Variants in ATIC observed in about 807,000 individuals in gnomAD.
The protein encoded by ATIC is 5-aminoimidazole-4-carboxamide ribonucleotide formyltransferase/IMP cyclohydrolase.
A neutral mutation model predicts 72.5 loss-of-function variants in ATIC; 64 were observed. That is an observed-to-expected ratio of 0.88 (90% CI 0.72 to 1.09). The LOEUF (loss-of-function observed/expected upper bound fraction) is 1.09, where lower values mean the gene tolerates loss of function less well. ATIC is among the 50% of genes least tolerant of loss of function. The pLI is 0.00. For missense variants in ATIC, 787 were observed against 732.4 expected (o/e 1.07, Z -0.86); for synonymous variants, 281 against 267.1 (o/e 1.05, Z -0.51).
intron 12 of ATIC, among the ~76,000 whole-genome samples, chr2:215,341,789 G>T (rs1211295142): frequency 6.6e-6 from 1 of 152,052 alleles, no homozygotes; most frequent in Admixed American, 6.6e-5. Context: ...GGCATTTCTC[G>T]TATGCCTTGA....
intron 7 of ATIC, among the ~76,000 whole-genome samples, chr2:215,330,834 A>G (rs1440169652): frequency 6.6e-6 from 1 of 151,672 alleles, no homozygotes; most frequent in African/African-American, 2.4e-5. Flanking sequence ...ATGCACCACC[A>G]TGCCCAGCTG....
rs746845244 is a variant in ATIC at position 215,332,420 on chromosome 2, G to C, written c.727G>C (p.Ala243Pro). 1.2e-6 allele frequency: 2 copies of C among 1,614,092 alleles called. No homozygotes were observed. Among genetic ancestry groups the C allele is most frequent in the East Asian group, 2.2e-5 (1 of 44,880 alleles). ...GAPGFINLCD[A>P]LNAWQLVKEL... ...CCCTGGATTTATAAACTTGTGCGAT[G>C]CTTTGAACGCCTGGCAGCTGGTGAA... is the stretch of plus-strand genomic sequence containing the variant. Residue 243 changes from alanine (A) to proline (P), a missense_variant, in exon 8 of 16, where the codon GCT becomes CCT. By Grantham distance (27) the Ala-to-Pro change is conservative. Transcript: ENST00000236959.
chr2:215,340,195 A>G (rs561501994), intron 12 of ATIC, among the ~76,000 whole-genome samples: 111 of 152,302 alleles, frequency 7.3e-4, no homozygotes, highest in Non-Finnish European at 1.2e-3. Flanking sequence ...TTCCTAGGAT[A>G]ATAATGGTGA....
At chr2:215,337,726 C>A (rs1018575662) in intron 11 of ATIC, among the ~76,000 whole-genome samples, 1 of 152,172 alleles carries the variant, frequency 6.6e-6, no homozygotes, top group African/African-American at 2.4e-5. Context: ...ATGTACTTAA[C>A]AACCATTAGC....
intron 12 of ATIC, among the ~76,000 whole-genome samples, chr2:215,342,488 C>G (rs563961751): frequency 1.3e-5 from 2 of 152,302 alleles, no homozygotes; most frequent in East Asian, 3.9e-4. Context: ...ATGCCATTGA[C>G]ATTGATAACA....
At chr2:215,357,979 T>C in the ATIC span, among the ~76,000 whole-genome samples, 1 of 152,198 alleles carries the variant, frequency 6.6e-6, no homozygotes, top group Non-Finnish European at 1.5e-5. Flanking sequence ...TTAAATGTGC[T>C]GATGTGATGT....
chr2:215,349,643 C>T lies in ATIC; in HGVS notation c.1767C>T (p.Leu589=). The T allele has an allele frequency of 1.9e-6, 3 of 1,614,218 alleles. No individual in the cohort carries two copies. The highest frequency in any genetic ancestry group is 1.7e-6 in the Non-Finnish European group (2 of 1,180,046). ...TCCTCGCTCATACGAACCTTCGGCT[C>T]TTCCACCACTGATTTTACCACACAC... The part of the protein sequence containing the change: ...GIILAHTNLR[L]FHH The change falls in exon 16 of 16, where the codon CTC becomes CTT. Residue 589 remains leucine, a synonymous_variant. Transcript: ENST00000236959.
chr2:215,326,951 A>G lies in ATIC; in HGVS notation c.661A>G (p.Thr221Ala). The G allele has an allele frequency of 6.2e-7, 1 of 1,614,148 alleles. No homozygotes were observed. The highest frequency in any genetic ancestry group is 8.5e-7 in the Non-Finnish European group (1 of 1,180,026). The stretch of plus-strand genomic sequence containing the variant: ...ACATCAGACCCCTGCCCAGCTGTAC[A>G]CACTGCAGCCCAAGCTTCCCATCAC... ...NPHQTPAQLY[T>A]LQPKLPITVL... Residue 221 changes from threonine to alanine, a missense_variant, in exon 7 of 16, where the codon ACA (threonine) becomes GCA (alanine). Physicochemically the swap from Thr to Ala is moderately conservative, Grantham distance 58. Coordinates refer to ENST00000236959, the MANE Select transcript of ATIC (RefSeq NM_004044.7).
chr2:215,312,660 A>G (rs773987886), intron 2 of ATIC, 36 bp downstream of exon 2: 12 of 1,614,036 alleles, frequency 7.4e-6, no homozygotes, highest in Non-Finnish European at 1.0e-5. Flanking sequence ...AAGGAGTGTG[A>G]TCACATTAAC....
intron 9 of ATIC, among the ~76,000 whole-genome samples, chr2:215,334,189 CTTTTTTTTT>C (rs551274501): frequency 2.0e-5 from 2 of 100,998 alleles, no homozygotes; most frequent in African/African-American, 3.7e-5. Flanking sequence ...AAAAGCTATT[CTTTTTTTTT>C]TTTTTTTTTT....
intron 4 of ATIC, among the ~76,000 whole-genome samples, chr2:215,320,583 A>T (rs1270632337): frequency 2.6e-5 from 4 of 151,886 alleles, no homozygotes; most frequent in East Asian, 3.9e-4. Context: ...TCTTAATTTA[A>T]TTTAATTTTA....
chr2:215,361,504 G>T, the ATIC span: 3 of 1,294,430 alleles, frequency 2.3e-6, no homozygotes, highest in South Asian at 1.2e-5. Context: ...CTCCAGTTTA[G>T]ATGGATCTTG....
downstream of ATIC, among the ~76,000 whole-genome samples, chr2:215,350,107 TTTTG>T (rs745761474): frequency 4.7e-4 from 72 of 152,076 alleles, no homozygotes; most frequent in East Asian, 1.2e-3. Flanking sequence ...CTCATGCCGT[TTTTG>T]TTTGTTTGTT....
chr2:215,349,417 GT>G, intron 15 of ATIC, 118 bp from the exon 16 acceptor site: 1 of 1,583,464 alleles, frequency 6.3e-7, no homozygotes, highest in Admixed American at 1.8e-5. Flanking sequence ...AAATCCTGTT[GT>G]TATTTTGCCT....
rs752104036 is a variant in ATIC, at chr2:215,349,547, G to C, written c.1671G>C (p.Ala557=). ...NVDRAKRSGV[A]YIAAPSGSAA... ...TATACTTCCCCCAGAGTGGTGTGGC[G>C]TACATTGCGGCTCCCTCCGGTTCTG... is the stretch of plus-strand genomic sequence containing the variant. The change falls in exon 16 of 16, where the codon GCG becomes GCC. Residue 557 remains alanine, a synonymous_variant. Coordinates refer to ENST00000236959, the MANE Select transcript of ATIC (RefSeq NM_004044.7). The C allele has an allele frequency of 3.7e-6, 6 of 1,613,936 alleles. No individual in the cohort carries two copies. The South Asian group carries it at 6.6e-5, about 18-fold the overall frequency.
At chr2:215,322,487 G>A (rs1481150200) in intron 4 of ATIC, among the ~76,000 whole-genome samples, 3 of 151,460 alleles carry the variant, frequency 2.0e-5, no homozygotes, top group African/African-American at 7.3e-5. Flanking sequence ...CCGCCACCAC[G>A]CCCAGCTAAT....
Position 215,312,754 on chromosome 2 carries a change from C to A in ATIC, c.146+130C>A, listed in dbSNP as rs2052667975. The A allele has an allele frequency of 6.4e-6, 9 of 1,407,984 alleles. No homozygotes were observed. The South Asian group carries it at 7.3e-5, about 11-fold the overall frequency. The allele number at this position is 1,407,984 out of a possible 1,614,324, so 87.2% of individuals were successfully genotyped here. ...GCGCTGTGAGGTTGGTGTAATACTT[C>A]CCCACTTTATGGGGAAAAAAAGTGA... On this transcript the variant is annotated intron_variant, in intron 2 of 15. Transcript: ENST00000236959.
rs537766736 is a variant in ATIC at position 215,339,898 on chromosome 2, A to T, written c.1227+991A>T. Among the ~76,000 whole-genome samples the T allele has an allele frequency of 1.6e-4, 25 of 152,182 alleles. No homozygotes were observed. The South Asian group carries it at 4.6e-3, about 28-fold the overall frequency. ...TGATCTGCCCACCTCAGCCTCCCAA[A>T]GTGCTGGGGTTACAGGCGTGAGCCA... On this transcript the variant is annotated intron_variant, in intron 12 of 15. Transcript: ENST00000236959.
rs1559264061 is a variant in ATIC at position 215,312,506 on chromosome 2, AGT to A, written c.31_32del (p.Val11LeufsTer2). 6.2e-7 allele frequency: 1 copy of A among 1,614,156 alleles called. No homozygotes were observed. The highest frequency in any genetic ancestry group is 1.7e-5 in the Admixed American group (1 of 60,022). On this transcript the variant is annotated frameshift_variant, in exon 2 of 16. Transcript: ENST00000236959. LOFTEE classifies it high-confidence loss of function. Reference protein sequence around the residue: MAPGQLALFSVSDKTGLVEF... With the variant: MAPGQLALFXVSDKTGLVEF... Reference sequence around the variant, plus strand: ...AATGTCTTCTCTTTCAGCCTTATTTAGTGTCTCTGACAAAACCGGCCTTGTGG... The same window carrying A: ...AATGTCTTCTCTTTCAGCCTTATTTAGTCTCTGACAAAACCGGCCTTGTGG...
Sources: gnomAD v4.1 joint callset for allele counts (sites outside exome capture counted in the v4.1 genomes callset) on GRCh38, gnomAD v4.1.1 for gene constraint, MANE v1.5 for transcripts, NCBI Gene and HGNC (gene_info 2026-07-23, HGNC 2026-07-21) for gene names.